Variants in SET observed in about 807,000 individuals in gnomAD.
SET encodes SET nuclear proto-oncogene.
SET carries 4 observed loss-of-function variants against 39.0 expected under a neutral mutation model. The observed-to-expected ratio is 0.10, with a 90% CI of 0.05 to 0.23. The LOEUF is 0.23. Ranked by LOEUF, SET falls within the 10% of genes least tolerant of loss-of-function variation. The pLI is 1.00. For synonymous variants in SET, 114 were observed against 115.9 expected (o/e 0.98, Z 0.11); for missense variants, 137 against 329.7 (o/e 0.42, Z 4.53).
rs546093488 is a variant in SET at position 128,689,446 on chromosome 9, G to T, written c.-137G>T. On this transcript the variant is annotated 5_prime_UTR_variant, in exon 1 of 8. Transcript: ENST00000322030. ...CGCGAGCGAGCGAGGGGGAGGGAGA[G>T]CGAGCGAGCGCCGGGAGGAGGCGGC... The T allele has an allele frequency of 3.8e-6, 2 of 532,426 alleles. No individual in the cohort carries two copies. Among genetic ancestry groups the T allele is most frequent in the Non-Finnish European group, 5.3e-6 (2 of 378,748 alleles). 33.0% of individuals were successfully genotyped at this position (532,426 alleles called of 1,614,324 possible).
chr9:128,690,870 G>C, intron 1 of SET: 3 of 413,472 alleles, frequency 7.3e-6, no homozygotes, highest in Non-Finnish European at 1.3e-5. Flanking sequence ...TTCTGAATAA[G>C]GTTATTCTGT....
Position 128,689,269 on chromosome 9 carries a change from G to A in SET, c.-314G>A. ...AGGAGGAGGCGGCTCGGGAGAGCGAGCAGCGAGCTGGCTGGATCGCCGAGC... is the reference window on the plus strand; with the variant it reads ...AGGAGGAGGCGGCTCGGGAGAGCGAACAGCGAGCTGGCTGGATCGCCGAGC... On this transcript the variant is annotated 5_prime_UTR_variant, in exon 1 of 8. Transcript: ENST00000322030. 9.9e-6 allele frequency: 10 copies of A among 1,009,608 alleles called. No homozygotes were observed. Among genetic ancestry groups the A allele is most frequent in the Non-Finnish European group, 1.2e-5 (10 of 844,998 alleles). The allele number at this position is 1,009,608 out of a possible 1,614,324, so 62.5% of individuals were successfully genotyped here.
intron 5 of SET, among the ~76,000 whole-genome samples, chr9:128,693,374 TA>T (rs538451498): frequency 7.5e-4 from 114 of 152,342 alleles, no homozygotes; most frequent in African/African-American, 2.4e-3. Context: ...CGTATTTAGG[TA>T]GTAAGACATA....
chr9:128,695,793 ACT>A lies in SET; in HGVS notation c.*1134_*1135del, dbSNP rs201161315. 6.8e-3 allele frequency: 1,542 copies of A among 227,900 alleles called. 3 individuals are homozygous for A. Among genetic ancestry groups the A allele is most frequent in the African/African-American group, 0.022 (992 of 45,160 alleles). 14.1% of individuals were successfully genotyped at this position (227,900 alleles called of 1,614,324 possible). ...CATTTGGGATACCAGATAGCTCAAT[ACT>A]CTCTGAGTACATTGTGCCCTTGATT... On this transcript the variant is annotated 3_prime_UTR_variant, in exon 8 of 8. Coordinates refer to ENST00000322030, the MANE Select transcript of SET (RefSeq NM_003011.4).
At chr9:128,692,094 T>A in intron 3 of SET, 94 bp downstream of exon 3, 2 of 1,462,098 alleles carry the variant, frequency 1.4e-6, no homozygotes, top group Non-Finnish European at 1.9e-6. Context: ...CTGGGTTGCG[T>A]GCAACAAAGA....
chr9:128,689,945 C>T lies in SET; in HGVS notation c.73+290C>T, dbSNP rs1372116852. 9.4e-6 allele frequency: 3 copies of T among 317,992 alleles called. 1 individual carries two copies. Among genetic ancestry groups the T allele is most frequent in the Non-Finnish European group, 1.4e-5 (3 of 220,290 alleles). 19.7% of individuals were successfully genotyped at this position (317,992 alleles called of 1,614,324 possible). A position where few individuals can be genotyped will look rare whatever the true frequency, so the allele number is the denominator to read the frequency against. The stretch of plus-strand genomic sequence containing the variant: ...CTCCCCCCTCCCTCGCTCTCCTCCC[C>T]CTCCCTCCCTCCCGAGAAGCCTCTC... On this transcript the variant is annotated intron_variant, in intron 1 of 7. Transcript: ENST00000322030.
chr9:128,689,544 T>G lies in SET; in HGVS notation c.-39T>G. 9.0e-7 allele frequency: 1 copy of G among 1,110,758 alleles called. No homozygotes were observed. The highest frequency in any genetic ancestry group is 1.2e-6 in the Non-Finnish European group (1 of 839,734). The allele number at this position is 1,110,758 out of a possible 1,614,324, so 68.8% of individuals were successfully genotyped here. A position where few individuals can be genotyped will look rare whatever the true frequency, so the allele number is the denominator to read the frequency against. ...CCCGCCCCCTTCGCCTTCCCTTCTCTCCCCCTCCCCGCTCCCCCCCCGACC... is the reference window on the plus strand; with the variant it reads ...CCCGCCCCCTTCGCCTTCCCTTCTCGCCCCCTCCCCGCTCCCCCCCCGACC... On this transcript the variant is annotated 5_prime_UTR_variant, in exon 1 of 8. Coordinates refer to ENST00000322030, the MANE Select transcript of SET (RefSeq NM_003011.4).
At chr9:128,687,373 G>A (rs1227719779), upstream of SET, among the ~76,000 whole-genome samples, 8 of 152,126 alleles carry the variant, frequency 5.3e-5, no homozygotes, top group Non-Finnish European at 2.9e-5. Context: ...TTGGGAGGCA[G>A]AGGCAGGTGG....
upstream of SET, chr9:128,689,220 G>C (rs1306600491): frequency 1.0e-6 from 1 of 993,490 alleles, no homozygotes; most frequent in East Asian, 9.0e-5. Flanking sequence ...CCCTGCGCCC[G>C]CCCCTCGCCG....
At chr9:128,688,698 C>A (rs1000237440), upstream of SET, among the ~76,000 whole-genome samples, 2 of 152,182 alleles carry the variant, frequency 1.3e-5, no homozygotes, top group African/African-American at 4.8e-5. Flanking sequence ...GCCCTGCGCG[C>A]GGATTACACA....
intron 7 of SET, 102 bp downstream of exon 7, chr9:128,694,144 C>A: frequency 9.4e-7 from 1 of 1,060,514 alleles, no homozygotes; most frequent in Non-Finnish European, 1.3e-6. Flanking sequence ...CTGACCAGAA[C>A]TGATTGTGGA....
chr9:128,683,940 A>C (rs923629041), exon 1 of SET: 1 of 1,556,964 alleles, frequency 6.4e-7, no homozygotes, highest in Admixed American at 1.9e-5. Context: ...AAAAGAAGAA[A>C]CCAAGACCAC....
Position 128,693,930 on chromosome 9 carries a change from A to G in SET, c.698A>G (p.Glu233Gly), listed in dbSNP as rs749150185. 5.1e-6 allele frequency: 8 copies of G among 1,582,792 alleles called. No individual in the cohort carries two copies. The highest frequency in any genetic ancestry group is 3.3e-5 in the Admixed American group (2 of 59,738). Residue 233 changes from glutamate (E) to glycine (G), a missense_variant, in exon 7 of 8, where the codon GAA becomes GGA. Coordinates refer to ENST00000322030, the MANE Select transcript of SET (RefSeq NM_003011.4). ...PDMDDEEGEG[E>G]EDDDDDEEEE... ...ATGGATGATGAAGAAGGAGAAGGAG[A>G]AGAAGATGATGATGATGATGAAGAG... is the stretch of plus-strand genomic sequence containing the variant.
upstream of SET, chr9:128,685,357 T>A: frequency 1.5e-6 from 1 of 686,406 alleles, no homozygotes; most frequent in Non-Finnish European, 2.5e-6. Context: ...TAGAGTGCAT[T>A]TGTGCGCAGC....
rs1861708643 is a variant in SET at position 128,695,639 on chromosome 9, G to C, written c.*975G>C. ...TTGTCACCCTAACTTCGTATTTTTT[G>C]ATACGCACTTTGCAGGATGACCTCA... is the stretch of plus-strand genomic sequence containing the variant. On this transcript the variant is annotated 3_prime_UTR_variant, in exon 8 of 8. Transcript: ENST00000322030. The C allele has an allele frequency of 4.4e-6, 1 of 225,146 alleles. No individual in the cohort carries two copies. The highest frequency in any genetic ancestry group is 8.9e-6 in the Non-Finnish European group (1 of 112,120). 13.9% of individuals were successfully genotyped at this position (225,146 alleles called of 1,614,324 possible). A position where few individuals can be genotyped will look rare whatever the true frequency, so the allele number is the denominator to read the frequency against.
rs1861733665 is a variant in SET, at chr9:128,696,203, G to T, written c.*1539G>T. On this transcript the variant is annotated 3_prime_UTR_variant, in exon 8 of 8. Coordinates refer to ENST00000322030, the MANE Select transcript of SET (RefSeq NM_003011.4). ...TTTTTCAGAGGTGAATTAATGGACA[G>T]TCTGGTGAACTTCAAAAGCTTTTTG... 4 of 208,762 alleles carry T rather than the reference G, an allele frequency of 1.9e-5. No individual in the cohort carries two copies. The highest frequency in any genetic ancestry group is 3.1e-3 in the Middle Eastern group (2 of 642). 12.9% of individuals were successfully genotyped at this position (208,762 alleles called of 1,614,324 possible).
rs1426018672 is a variant in SET at position 128,691,032 on chromosome 9, C to T, written c.74-138C>T. On this transcript the variant is annotated intron_variant, in intron 1 of 7. Transcript: ENST00000322030. ...TAAAAAGAAATTAGTCAGCTACAAG[C>T]ATGAACATGTGGAACGCTTGCCTTT... 4.0e-6 allele frequency: 3 copies of T among 752,044 alleles called. No homozygotes were observed. The South Asian group carries it at 4.4e-5, about 11-fold the overall frequency. The allele number at this position is 752,044 out of a possible 1,614,324, so 46.6% of individuals were successfully genotyped here.
upstream of SET, chr9:128,683,550 G>A (rs1315500907): frequency 3.0e-5 from 8 of 264,576 alleles, no homozygotes; most frequent in East Asian, 5.7e-5. Flanking sequence ...GTTTGGGAAC[G>A]AACTGGGGGA....
intron 1 of SET, chr9:128,690,656 T>G (rs1381303168): frequency 6.0e-6 from 1 of 166,714 alleles, no homozygotes; most frequent in African/African-American, 2.4e-5. Flanking sequence ...TGGTGCCCCG[T>G]GACTTTCCAG....
Sources: allele counts gnomAD v4.1 joint callset (sites outside exome capture counted in the v4.1 genomes callset), GRCh38; gene constraint gnomAD v4.1.1; transcripts MANE v1.5; gene names NCBI Gene and HGNC (gene_info 2026-07-23, HGNC 2026-07-21).